Variants in PRIM2 observed in about 807,000 individuals in gnomAD.
PRIM2 encodes the protein DNA primase large subunit.
PRIM2 carries 39 observed loss-of-function variants against 67.3 expected under a neutral mutation model. The observed-to-expected ratio is 0.58, with a 90% CI of 0.45 to 0.76. PRIM2 has a LOEUF of 0.76. Among genes scored for constraint, PRIM2 ranks in the 30% least tolerant of loss-of-function variants. The pLI is 0.00. For missense variants in PRIM2, 398 were observed against 598.7 expected (o/e 0.66, Z 3.50); for synonymous variants, 143 against 198.7 (o/e 0.72, Z 2.36).
In PRIM2 at chr6:57,496,531, A is replaced by G. The variant is rs1305113265; in HGVS notation, c.694-10856A>G. Among the ~76,000 whole-genome samples the G allele has an allele frequency of 4.6e-5, 7 of 152,226 alleles. No individual in the cohort carries two copies. In the East Asian group the frequency reaches 1.2e-3, roughly 25 times the overall value. On this transcript the variant is annotated intron_variant, in intron 7 of 13. Coordinates refer to ENST00000615550, the MANE Select transcript of PRIM2 (RefSeq NM_000947.5). ...TTTATGTGCGTATTTAGGAATTTCT[A>G]TGAGAAACTTCCACATAAAAAGATT...
intron 5 of PRIM2, among the ~76,000 whole-genome samples, chr6:57,328,067 C>T (rs1472875431): frequency 1.3e-5 from 2 of 152,202 alleles, no homozygotes; most frequent in Non-Finnish European, 2.9e-5. Flanking sequence ...TGCTCGCTCA[C>T]TGCTCACCTC....
chr6:57,382,281 G>C, intron 7 of PRIM2, 113 bp downstream of exon 7: 1 of 1,181,674 alleles, frequency 8.5e-7, no homozygotes, highest in East Asian at 2.5e-5. Flanking sequence ...TTTTCATAAT[G>C]ATATTCAGAT....
intron 12 of PRIM2, among the ~76,000 whole-genome samples, chr6:57,622,897 C>T (rs1298463245): frequency 6.6e-6 from 1 of 152,112 alleles, no homozygotes; most frequent in Non-Finnish European, 1.5e-5. Context: ...AAGTAACTGT[C>T]AAGAAGATTT....
chr6:57,520,037 T>C (rs1159874413), intron 8 of PRIM2, among the ~76,000 whole-genome samples: 1 of 152,080 alleles, frequency 6.6e-6, no homozygotes, highest in Non-Finnish European at 1.5e-5. Flanking sequence ...ATCTATGAAA[T>C]GAAACCCTTA....
At chr6:57,264,639 C>T in the PRIM2 span, among the ~76,000 whole-genome samples, 1 of 146,520 alleles carries the variant, frequency 6.8e-6, no homozygotes, top group Non-Finnish European at 1.5e-5. Flanking sequence ...ACTCTGTTGC[C>T]AGGCTGGAGT....
At chr6:57,281,573 G>A in the PRIM2 span, among the ~76,000 whole-genome samples, 34 of 152,168 alleles carry the variant, frequency 2.2e-4, no homozygotes, top group Admixed American at 1.2e-3. Context: ...TGACCCCATA[G>A]TACTATGAGT....
In PRIM2 at chr6:57,614,206, C is replaced by T. The variant is rs1240546690; in HGVS notation, c.1230+7749C>T. 6.2e-4 allele frequency among the ~76,000 whole-genome samples: 95 copies of T among 152,282 alleles called. 3 individuals carry two copies. Among genetic ancestry groups the T allele is most frequent in the South Asian group, 4.6e-3 (22 of 4,828 alleles). On this transcript the variant is annotated intron_variant, in intron 12 of 13. Coordinates refer to ENST00000615550, the MANE Select transcript of PRIM2 (RefSeq NM_000947.5). ...ATTGTGAACTGTGCATGCGAGGGAT[C>T]TAGGTTGTGCGCTCCTTATGAGAAT...
intron 10 of PRIM2, among the ~76,000 whole-genome samples, chr6:57,597,206 G>A (rs1418924296): frequency 7.2e-4 from 109 of 152,312 alleles, no homozygotes; most frequent in African/African-American, 2.5e-3. Flanking sequence ...GCTGCTGTGC[G>A]TTCTTTTGAG....
chr6:57,437,534 G>T (rs948620778), intron 7 of PRIM2, among the ~76,000 whole-genome samples: 19 of 152,104 alleles, frequency 1.2e-4, no homozygotes, highest in South Asian at 4.1e-4. Flanking sequence ...GAGTGACACA[G>T]GAACAAAAAG....
At chr6:57,430,800 G>T (rs951165517) in intron 7 of PRIM2, among the ~76,000 whole-genome samples, 8 of 152,094 alleles carry the variant, frequency 5.3e-5, no homozygotes, top group Non-Finnish European at 1.2e-4. Context: ...GTTGTTAGAA[G>T]CAAATGAGGC....
At position 57,596,743 on chromosome 6, in the gene PRIM2, G is replaced by A. The variant is rs1776374332; in HGVS notation, c.1021-4350G>A. Among the ~76,000 whole-genome samples the A allele has an allele frequency of 4.1e-5, 6 of 146,972 alleles. 1 individual carries two copies. On this transcript the variant is annotated intron_variant, in intron 10 of 13. Transcript: ENST00000615550. ...GGACAGCCCAGTCCCACTATACTGAGGCAATTTTTGAAAGAAAATAAAATT... is the reference window on the plus strand; with the variant it reads ...GGACAGCCCAGTCCCACTATACTGAAGCAATTTTTGAAAGAAAATAAAATT...
chr6:57,451,510 T>G (rs1305080314), intron 7 of PRIM2, among the ~76,000 whole-genome samples: 14 of 152,258 alleles, frequency 9.2e-5, no homozygotes, highest in African/African-American at 2.9e-4. Flanking sequence ...CACCATAAAA[T>G]TTTTCTGAAG....
At chr6:57,387,217 G>A (rs1770182788) in intron 7 of PRIM2, among the ~76,000 whole-genome samples, 2 of 152,126 alleles carry the variant, frequency 1.3e-5, no homozygotes, top group Admixed American at 1.3e-4. Flanking sequence ...TTGAGAGTGA[G>A]GAATTTCTCT....
chr6:57,276,391 A>G, the PRIM2 span, among the ~76,000 whole-genome samples: 3 of 152,126 alleles, frequency 2.0e-5, no homozygotes, highest in East Asian at 3.8e-4. Flanking sequence ...ACTGTCTCAA[A>G]TAAAATAAAA....
chr6:57,360,652 G>T (rs1040428772), intron 5 of PRIM2, among the ~76,000 whole-genome samples: 4 of 152,176 alleles, frequency 2.6e-5, no homozygotes, highest in African/African-American at 9.6e-5. Context: ...TTGCTGCACA[G>T]CTTTCTGGAT....
intron 7 of PRIM2, among the ~76,000 whole-genome samples, chr6:57,416,555 C>T (rs1181128549): frequency 6.6e-6 from 1 of 152,154 alleles, no homozygotes; most frequent in Non-Finnish European, 1.5e-5. Context: ...TGAAGCCAGG[C>T]TTTGACTTCT....
intron 10 of PRIM2, among the ~76,000 whole-genome samples, chr6:57,586,348 GT>G (rs1776186691): frequency 6.6e-6 from 1 of 152,138 alleles, no homozygotes; most frequent in Non-Finnish European, 1.5e-5. Context: ...TCTGTGTGTG[GT>G]TGGGTTGGGT....
At chr6:57,360,874 G>T (rs1229464845) in intron 5 of PRIM2, among the ~76,000 whole-genome samples, 1 of 152,162 alleles carries the variant, frequency 6.6e-6, no homozygotes, top group African/African-American at 2.4e-5. Context: ...TTTTGAGTAA[G>T]TGATCAATGT....
chr6:57,471,110 G>A (rs1330483371), intron 7 of PRIM2, among the ~76,000 whole-genome samples: 22 of 151,988 alleles, frequency 1.4e-4, no homozygotes, highest in African/African-American at 4.3e-4. Context: ...TCCATCCAAA[G>A]TCTAATTTTC....
Sources: gnomAD v4.1 joint callset for allele counts (sites outside exome capture counted in the v4.1 genomes callset) on GRCh38, gnomAD v4.1.1 for gene constraint, MANE v1.5 for transcripts, NCBI Gene and HGNC (gene_info 2026-07-23, HGNC 2026-07-21) for gene names.